ZSCAN31: variants seen among roughly 807,000 people sequenced by gnomAD.
ZSCAN31 encodes the protein zinc finger and SCAN domain-containing protein 31.
In ZSCAN31, 14 loss-of-function variants were observed where a neutral mutation model predicts 22.5. The ratio of observed to expected loss-of-function variants is 0.62; its 90% CI spans 0.41 to 0.97. ZSCAN31 has a LOEUF of 0.97. Ranked by LOEUF, ZSCAN31 falls within the 50% of genes least tolerant of loss-of-function variation. The probability of loss-of-function intolerance (pLI) is 0.00; values close to 1 mark genes in which losing one functional copy is unlikely to be tolerated. For missense variants in ZSCAN31, 424 were observed against 483.4 expected (o/e 0.88, Z 1.15); for synonymous variants, 168 against 169.8 (o/e 0.99, Z 0.08).
chr6:28,325,918 C>A lies in ZSCAN31; in HGVS notation c.*248G>T, dbSNP rs1309764892. On this transcript the variant is annotated 3_prime_UTR_variant, in exon 4 of 4. Transcript: ENST00000344279. ...AGGGAATAAGAAGGCCACCCAGCAACCCCCTACAATCACAGTCATCCACAC... is the reference window on the plus strand; with the variant it reads ...AGGGAATAAGAAGGCCACCCAGCAAACCCCTACAATCACAGTCATCCACAC... 5 of 350,150 alleles carry A rather than the reference C, an allele frequency of 1.4e-5. No homozygotes were observed. The highest frequency in any genetic ancestry group is 2.6e-5 in the Non-Finnish European group (5 of 191,808). 21.7% of individuals were successfully genotyped at this position (350,150 alleles called of 1,614,324 possible).
intron 2 of ZSCAN31, among the ~76,000 whole-genome samples, chr6:28,328,886 A>G (rs1385148979): frequency 6.6e-6 from 1 of 152,232 alleles, no homozygotes; most frequent in East Asian, 1.9e-4. Context: ...CTATGGCTTC[A>G]GCTGGTCCCT....
intron 2 of ZSCAN31, among the ~76,000 whole-genome samples, chr6:28,346,342 C>CTTTTTTTTTTTTTTTTTT (rs5875155): frequency 8.0e-5 from 7 of 87,780 alleles, no homozygotes; most frequent in African/African-American, 2.3e-4. Flanking sequence ...TCAGTACAAT[C>CTTTTTTTTTTTTTTTTTT]TTTTTTTTTT....
In ZSCAN31 at chr6:28,326,160, T is replaced by C. The variant is rs1197930050; in HGVS notation, c.*6A>G. 1.3e-6 allele frequency: 2 copies of C among 1,592,294 alleles called. No homozygotes were observed. The highest frequency in any genetic ancestry group is 4.5e-5 in the East Asian group (2 of 44,474). On this transcript the variant is annotated 3_prime_UTR_variant, in exon 4 of 4. Transcript: ENST00000344279. Reference sequence around the variant, plus strand: ...ATGACTGAAGGCTTTCCCAAACTCATCACCCTTATGGTCTCTCTCCAGTGT... The same window carrying C: ...ATGACTGAAGGCTTTCCCAAACTCACCACCCTTATGGTCTCTCTCCAGTGT...
At chr6:28,345,155 A>G (rs1035860289) in intron 2 of ZSCAN31, among the ~76,000 whole-genome samples, 4 of 148,562 alleles carry the variant, frequency 2.7e-5, no homozygotes, top group Admixed American at 6.8e-5. Flanking sequence ...AAAAAAAAAA[A>G]AAAAAGAAAA....
At chr6:28,329,209 C>T in intron 2 of ZSCAN31, 94 bp downstream of exon 2, 3 of 1,428,032 alleles carry the variant, frequency 2.1e-6, no homozygotes, top group Non-Finnish European at 2.8e-6. Context: ...CAACAGAGAA[C>T]TAATACATAT....
upstream of ZSCAN31, among the ~76,000 whole-genome samples, chr6:28,336,583 T>C (rs1254553440): frequency 6.6e-6 from 1 of 151,224 alleles, no homozygotes; most frequent in Non-Finnish European, 1.5e-5. Context: ...TAGTTGGAAC[T>C]GTTTGGACAC....
upstream of ZSCAN31, chr6:28,337,815 C>T (rs188636717): frequency 1.0e-3 from 156 of 152,322 alleles, no homozygotes; most frequent in African/African-American, 3.7e-3. Flanking sequence ...AATCCCAACA[C>T]TTTGAGAGGC....
rs374141658 is a variant in ZSCAN31, at chr6:28,333,977, T to TA, written c.-96+2104dup. On this transcript the variant is annotated intron_variant, in intron 1 of 3. Transcript: ENST00000344279. The surrounding 1 kb of genome is among the most constrained non-coding windows in gnomAD (Gnocchi z 4.1). Reference sequence around the variant, plus strand: ...GAGTAGAAGCAGAAGAGGCAAGAGTTAAAAAAAAGGGTAAAGTGGAGGGGG... The same window carrying TA: ...GAGTAGAAGCAGAAGAGGCAAGAGTTAAAAAAAAAGGGTAAAGTGGAGGGGG... 2.4e-4 allele frequency among the ~76,000 whole-genome samples: 37 copies of TA among 151,282 alleles called. No homozygotes were observed. Among genetic ancestry groups the TA allele is most frequent in the African/African-American group, 8.0e-4 (33 of 41,160 alleles).
chr6:28,353,155 G>T (rs903871007), intron 2 of ZSCAN31, among the ~76,000 whole-genome samples: 3 of 151,962 alleles, frequency 2.0e-5, no homozygotes, highest in African/African-American at 7.3e-5. Flanking sequence ...TTTTAGTAGA[G>T]ACGGGGTTTC....
At chr6:28,345,040 G>A (rs1296584094) in intron 2 of ZSCAN31, among the ~76,000 whole-genome samples, 2 of 151,408 alleles carry the variant, frequency 1.3e-5, no homozygotes, top group Non-Finnish European at 2.9e-5. Context: ...AGCTACACAG[G>A]GGGCTGAGGC....
chr6:28,355,149 C>G (rs1765339373), upstream of ZSCAN31, among the ~76,000 whole-genome samples: 1 of 152,136 alleles, frequency 6.6e-6, no homozygotes, highest in Non-Finnish European at 1.5e-5. Flanking sequence ...GCCTCAGGTC[C>G]CATAACCTTA....
In ZSCAN31 at chr6:28,341,229, A is replaced by T. The variant is rs566768085; in HGVS notation, c.-324+517T>A. 4.6e-4 allele frequency among the ~76,000 whole-genome samples: 70 copies of T among 152,316 alleles called. 1 individual carries two copies. In the Middle Eastern group the frequency reaches 0.017, roughly 37 times the overall value. On this transcript the variant is annotated intron_variant, in intron 3 of 7. Transcript: ENST00000396838. ...CTACATTGAAATTTCACTTTACACA[A>T]TGTCTTAGTCTATTCAGGCTGCTGT...
Position 28,333,465 on chromosome 6 carries a change from ATAAG to A in ZSCAN31, c.-96+2613_-96+2616del, listed in dbSNP as rs1318842649. Among the ~76,000 whole-genome samples, 2 of 152,350 alleles carry A rather than the reference ATAAG, an allele frequency of 1.3e-5. No homozygotes were observed. The highest frequency in any genetic ancestry group is 3.9e-4 in the East Asian group (2 of 5,186). ...ACCAAAAATAAAAGCAACAACAAAAATAAGTAAGGAGGCAAATAAAATAATTATG... is the reference window on the plus strand; with the variant it reads ...ACCAAAAATAAAAGCAACAACAAAAATAAGGAGGCAAATAAAATAATTATG... On this transcript the variant is annotated intron_variant, in intron 1 of 3. Transcript: ENST00000344279. This position sits in a 1 kb window ranked among gnomAD's most constrained non-coding sequence, Gnocchi z 4.1.
rs1764678929 is a variant in ZSCAN31, at chr6:28,347,136, G to A, written c.-370-5344C>T. Reference sequence around the variant, plus strand: ...TGAGCTCCTGAGAGGATCAGCTGGAGCCTCTCTTGTAACTGCACCACAGTT... The same window carrying A: ...TGAGCTCCTGAGAGGATCAGCTGGAACCTCTCTTGTAACTGCACCACAGTT... On this transcript the variant is annotated intron_variant, in intron 2 of 7. Coordinates refer to the ZSCAN31 transcript ENST00000396838. The surrounding 1 kb of genome is among the most constrained non-coding windows in gnomAD (Gnocchi z 5.2). 1.3e-5 allele frequency among the ~76,000 whole-genome samples: 2 copies of A among 152,282 alleles called. No homozygotes were observed. The highest frequency in any genetic ancestry group is 2.1e-4 in the South Asian group (1 of 4,822).
At chr6:28,343,612 C>T (rs540752824) in intron 2 of ZSCAN31, among the ~76,000 whole-genome samples, 36 of 135,700 alleles carry the variant, frequency 2.7e-4, no homozygotes, top group Non-Finnish European at 4.4e-4. Context: ...CGCGGGATCT[C>T]GGCTCACTGC....
At chr6:28,339,873 G>A (rs1025276019), upstream of ZSCAN31, among the ~76,000 whole-genome samples, 37 of 151,426 alleles carry the variant, frequency 2.4e-4, no homozygotes, top group African/African-American at 9.0e-4. Context: ...AATTTTGCAG[G>A]CATATGAACC....
chr6:28,342,628 G>A (rs1171620057), intron 2 of ZSCAN31, among the ~76,000 whole-genome samples: 1 of 152,224 alleles, frequency 6.6e-6, no homozygotes, highest in Non-Finnish European at 1.5e-5. Flanking sequence ...ATAAGAAAGA[G>A]TGTATCAAGA....
In ZSCAN31 at chr6:28,347,215, A is replaced by G. The variant is rs1249413887; in HGVS notation, c.-370-5423T>C. On this transcript the variant is annotated intron_variant, in intron 2 of 7. Transcript: ENST00000396838. This position sits in a 1 kb window ranked among gnomAD's most constrained non-coding sequence, Gnocchi z 5.2. ...AACTTCTTGTGTTATTCCTGAAAGC[A>G]CAGCTCAGTAAAATTCTTGCTTAAA... 1.3e-5 allele frequency among the ~76,000 whole-genome samples: 2 copies of G among 152,214 alleles called. No homozygotes were observed. The highest frequency in any genetic ancestry group is 4.8e-5 in the African/African-American group (2 of 41,456).
chr6:28,346,567 G>C (rs1276850844), intron 2 of ZSCAN31, among the ~76,000 whole-genome samples: 3 of 151,934 alleles, frequency 2.0e-5, no homozygotes, highest in Non-Finnish European at 4.4e-5. Context: ...ATGTTGTCCA[G>C]GCTAGTCTTG....
Sources: gnomAD v4.1 joint callset for allele counts (sites outside exome capture counted in the v4.1 genomes callset) on GRCh38, gnomAD v4.1.1 for gene constraint, Gnocchi (gnomAD v3.1) non-coding constraint, MANE v1.5 for transcripts, NCBI Gene and HGNC (gene_info 2026-07-23, HGNC 2026-07-21) for gene names.